ZNF385D: variants seen among roughly 807,000 people sequenced by gnomAD.
The protein encoded by ZNF385D is zinc finger protein 659.
ZNF385D carries 15 observed loss-of-function variants against 35.8 expected under a neutral mutation model. The ratio of observed to expected loss-of-function variants is 0.42; its 90% CI spans 0.28 to 0.64. The LOEUF (loss-of-function observed/expected upper bound fraction) is 0.64. ZNF385D is among the 30% of genes least tolerant of loss of function. The pLI is 0.23. For synonymous variants in ZNF385D, 212 were observed against 186.8 expected (o/e 1.13, Z -1.10); for missense variants, 474 against 494.6 (o/e 0.96, Z 0.39).
At chr3:21,484,020 T>A (rs1255111743) in intron 4 of ZNF385D, among the ~76,000 whole-genome samples, 3 of 152,164 alleles carry the variant, frequency 2.0e-5, no homozygotes, top group African/African-American at 7.2e-5. Context: ...AGGGGAAATT[T>A]AATGTTAACT....
intron 2 of ZNF385D, among the ~76,000 whole-genome samples, chr3:22,231,620 A>G (rs923321823): frequency 1.3e-5 from 2 of 151,994 alleles, no homozygotes; most frequent in Admixed American, 1.3e-4. Context: ...ATTCAATGCT[A>G]TGAGATCCTT....
chr3:21,964,591 G>C (rs1702797180), intron 3 of ZNF385D, among the ~76,000 whole-genome samples: 1 of 141,654 alleles, frequency 7.1e-6, no homozygotes, highest in African/African-American at 2.6e-5. Context: ...CCAGGTTCAA[G>C]CGATTCTCCT....
At chr3:22,348,153 T>A (rs1324308868) in intron 2 of ZNF385D, among the ~76,000 whole-genome samples, 1 of 152,120 alleles carries the variant, frequency 6.6e-6, no homozygotes, top group Non-Finnish European at 1.5e-5. Flanking sequence ...ATTAACTGGC[T>A]TTTTCTTAAG....
intron 3 of ZNF385D, among the ~76,000 whole-genome samples, chr3:21,855,035 A>C (rs1421428256): frequency 6.6e-5 from 10 of 151,922 alleles, no homozygotes; most frequent in Admixed American, 6.6e-4. Context: ...ACCCATATCC[A>C]AACTCCACCA....
At chr3:21,671,681 A>C (rs996851759) in intron 1 of ZNF385D, among the ~76,000 whole-genome samples, 2 of 152,204 alleles carry the variant, frequency 1.3e-5, no homozygotes, top group African/African-American at 4.8e-5. Context: ...CAATTTAAAA[A>C]ATACACCTTA....
At chr3:21,797,300 A>T (rs2072198026) in intron 3 of ZNF385D, among the ~76,000 whole-genome samples, 1 of 152,210 alleles carries the variant, frequency 6.6e-6, no homozygotes, top group African/African-American at 2.4e-5. Flanking sequence ...GTCACTACAC[A>T]CATATTAAAA....
chr3:22,118,403 G>A (rs951139411), intron 3 of ZNF385D, among the ~76,000 whole-genome samples: 17 of 151,994 alleles, frequency 1.1e-4, no homozygotes, highest in African/African-American at 4.1e-4. Context: ...ATCCAAGCAT[G>A]ATGCTTAACA....
intron 3 of ZNF385D, among the ~76,000 whole-genome samples, chr3:22,166,911 G>A (rs1028386458): frequency 6.6e-6 from 1 of 152,208 alleles, no homozygotes; most frequent in Non-Finnish European, 1.5e-5. Flanking sequence ...AAACAACTTG[G>A]AATTGAATCG....
At chr3:22,194,468 TA>T (rs1375529631) in intron 2 of ZNF385D, among the ~76,000 whole-genome samples, 2 of 151,958 alleles carry the variant, frequency 1.3e-5, no homozygotes, top group African/African-American at 2.4e-5. Context: ...ATTTGTTTTT[TA>T]AAATCTTATT....
chr3:22,041,096 G>A (rs931530978), intron 3 of ZNF385D, among the ~76,000 whole-genome samples: 9 of 151,956 alleles, frequency 5.9e-5, no homozygotes, highest in South Asian at 2.1e-4. Flanking sequence ...CAGTTCTCCC[G>A]CTCTGTCACT....
chr3:21,709,813 A>G (rs75178955), intron 1 of ZNF385D, among the ~76,000 whole-genome samples: 24 of 152,346 alleles, frequency 1.6e-4, no homozygotes, highest in Middle Eastern at 3.4e-3. Flanking sequence ...TCTTCCCAAG[A>G]AAAGTAAAAA....
intron 2 of ZNF385D, among the ~76,000 whole-genome samples, chr3:22,338,695 CTCATT>C (rs1695282427): frequency 7.1e-6 from 1 of 141,212 alleles, no homozygotes; most frequent in African/African-American, 2.9e-5. Flanking sequence ...ACATATTCAT[CTCATT>C]TTTTTTTTTT....
chr3:22,038,153 G>A (rs1698452881), intron 3 of ZNF385D, among the ~76,000 whole-genome samples: 1 of 152,126 alleles, frequency 6.6e-6, no homozygotes, highest in Non-Finnish European at 1.5e-5. Context: ...CCAACCTAGA[G>A]CAAATTGCTG....
At chr3:22,025,679 GC>G (rs1697495311) in intron 3 of ZNF385D, among the ~76,000 whole-genome samples, 2 of 152,158 alleles carry the variant, frequency 1.3e-5, no homozygotes, top group Non-Finnish European at 2.9e-5. Context: ...AGCTGGAAAT[GC>G]CTGATCTCCC....
At chr3:22,003,672 G>T (rs895331325) in intron 3 of ZNF385D, among the ~76,000 whole-genome samples, 1 of 152,072 alleles carries the variant, frequency 6.6e-6, no homozygotes, top group South Asian at 2.1e-4. Context: ...TTCGAGACCA[G>T]CTGGGCCAAC....
intron 3 of ZNF385D, among the ~76,000 whole-genome samples, chr3:21,999,770 C>CAAA (rs577860632): frequency 4.3e-4 from 21 of 49,286 alleles, no homozygotes; most frequent in Admixed American, 1.6e-3. Context: ...CCCAGTCAGG[C>CAAA]AAAAAAAAAA....
At chr3:22,044,185 C>T (rs373443020) in intron 3 of ZNF385D, among the ~76,000 whole-genome samples, 16 of 151,244 alleles carry the variant, frequency 1.1e-4, no homozygotes, top group Admixed American at 5.9e-4. Context: ...CAAAAGTACT[C>T]CTTAAAGATG....
chr3:21,762,203 T>C (rs2070649078), intron 3 of ZNF385D, among the ~76,000 whole-genome samples: 1 of 152,088 alleles, frequency 6.6e-6, no homozygotes, highest in Admixed American at 6.6e-5. Context: ...TTTTCTAATA[T>C]CTTGAGGATA....
At chr3:21,502,313 C>T (rs78484834) in intron 4 of ZNF385D, among the ~76,000 whole-genome samples, 1,549 of 152,272 alleles carry the variant, frequency 0.01, 26 homozygotes, top group African/African-American at 0.035. Flanking sequence ...TTCCCTCCAA[C>T]ATCATTTACT....
Sources: gnomAD v4.1 joint callset for allele counts (sites outside exome capture counted in the v4.1 genomes callset) on GRCh38, gnomAD v4.1.1 for gene constraint, MANE v1.5 for transcripts, NCBI Gene and HGNC (gene_info 2026-07-23, HGNC 2026-07-21) for gene names.